The following APLF variants were observed in gnomAD, a reference collection of about 807,000 sequenced individuals.
APLF encodes aprataxin and PNKP like factor.
APLF carries 61 observed loss-of-function variants against 55.6 expected under a neutral mutation model. The ratio of observed to expected loss-of-function variants is 1.10; its 90% CI spans 0.89 to 1.36. APLF has a LOEUF of 1.36. Ranked by LOEUF, APLF falls within the 40% of genes most tolerant of loss-of-function variation. The pLI is 0.00. For synonymous variants in APLF, 207 were observed against 214.8 expected (o/e 0.96, Z 0.32); for missense variants, 611 against 602.5 (o/e 1.01, Z -0.15).
chr2:68,498,632 A>C (rs1676630137), intron 2 of APLF, among the ~76,000 whole-genome samples: 1 of 152,214 alleles, frequency 6.6e-6, no homozygotes, highest in South Asian at 2.1e-4. Flanking sequence ...TTTCATCTAA[A>C]TTTAATCTAC....
chr2:68,477,486 A>G (rs1012083327), intron 1 of APLF, among the ~76,000 whole-genome samples: 3 of 152,106 alleles, frequency 2.0e-5, no homozygotes, highest in African/African-American at 7.2e-5. Flanking sequence ...TAAATTAAAA[A>G]AAAAATTAGC....
intron 7 of APLF, among the ~76,000 whole-genome samples, chr2:68,540,445 A>G (rs985177831): frequency 1.3e-5 from 2 of 152,072 alleles, no homozygotes; most frequent in Non-Finnish European, 2.9e-5. Context: ...AGTCTTTGCT[A>G]TTGTGAATAG....
intron 1 of APLF, among the ~76,000 whole-genome samples, chr2:68,469,020 G>GTGTT (rs59577066): frequency 9.3e-6 from 1 of 107,018 alleles, no homozygotes; most frequent in African/African-American, 3.4e-5. Flanking sequence ...GTGTGTGTGT[G>GTGTT]TTGTGTGTTG....
intron 1 of APLF, among the ~76,000 whole-genome samples, chr2:68,479,258 A>G (rs75024752): frequency 0.018 from 2,755 of 152,314 alleles, 34 homozygotes; most frequent in Non-Finnish European, 0.03. Context: ...GGATTACACC[A>G]TTGAAGACAC....
At chr2:68,537,002 TA>T (rs1670409768) in intron 6 of APLF, among the ~76,000 whole-genome samples, 1 of 151,820 alleles carries the variant, frequency 6.6e-6, no homozygotes, top group Non-Finnish European at 1.5e-5. Flanking sequence ...CCGTCTCTAC[TA>T]AAAATACAAA....
chr2:68,533,332 A>G (rs772730696), intron 6 of APLF, among the ~76,000 whole-genome samples: 4 of 152,168 alleles, frequency 2.6e-5, no homozygotes, highest in Non-Finnish European at 4.4e-5. Context: ...TTCCTTTATA[A>G]TCTATATTAT....
intron 8 of APLF, among the ~76,000 whole-genome samples, chr2:68,565,177 A>G (rs1671268663): frequency 6.6e-6 from 1 of 151,940 alleles, no homozygotes; most frequent in African/African-American, 2.4e-5. Flanking sequence ...ATCTCGGAAA[A>G]TAGATTTCAT....
intron 5 of APLF, among the ~76,000 whole-genome samples, chr2:68,525,190 G>T (rs1670000672): frequency 6.6e-6 from 1 of 152,034 alleles, no homozygotes; most frequent in Non-Finnish European, 1.5e-5. Flanking sequence ...CAGCTACTTG[G>T]GAGGCTGAGG....
chr2:68,516,297 T>G (rs1265092686), intron 5 of APLF, among the ~76,000 whole-genome samples: 1 of 151,746 alleles, frequency 6.6e-6, no homozygotes, highest in African/African-American at 2.4e-5. Context: ...TTGCCTTTTT[T>G]GATCTGCCCT....
At chr2:68,519,039 T>TATA (rs1317770366) in intron 5 of APLF, among the ~76,000 whole-genome samples, 13 of 117,788 alleles carry the variant, frequency 1.1e-4, no homozygotes, top group Non-Finnish European at 1.9e-4. Flanking sequence ...ATGATTAATA[T>TATA]ATAATAATAT....
intron 7 of APLF, among the ~76,000 whole-genome samples, chr2:68,544,942 A>G (rs1670658650): frequency 2.0e-5 from 3 of 152,204 alleles, no homozygotes; most frequent in African/African-American, 7.2e-5. Flanking sequence ...TATTGATATC[A>G]TGGCTCATCA....
At chr2:68,514,226 G>C (rs1026497768) in intron 5 of APLF, among the ~76,000 whole-genome samples, 1 of 151,582 alleles carries the variant, frequency 6.6e-6, no homozygotes, top group Non-Finnish European at 1.5e-5. Flanking sequence ...ATAAGTCTTT[G>C]ATCATATTTA....
At chr2:68,472,495 A>G (rs1041911258) in intron 1 of APLF, among the ~76,000 whole-genome samples, 3 of 152,176 alleles carry the variant, frequency 2.0e-5, no homozygotes, top group African/African-American at 4.8e-5. Flanking sequence ...CCCCTTAGAA[A>G]GGAATTTGGG....
At chr2:68,469,989 TTTTATG>T (rs1675568415) in intron 1 of APLF, among the ~76,000 whole-genome samples, 1 of 152,204 alleles carries the variant, frequency 6.6e-6, no homozygotes, top group African/African-American at 2.4e-5. Context: ...GGTTTTGTAT[TTTTATG>T]GTGGTAGGAA....
At chr2:68,530,059 C>A (rs1434112027) in intron 6 of APLF, among the ~76,000 whole-genome samples, 1 of 152,208 alleles carries the variant, frequency 6.6e-6, no homozygotes, top group East Asian at 1.9e-4. Context: ...TGACTGGATG[C>A]ACCTCTTACC....
chr2:68,476,476 CAAAAAAAAAAAA>C (rs768968249), intron 1 of APLF, among the ~76,000 whole-genome samples: 1 of 76,504 alleles, frequency 1.3e-5, no homozygotes, highest in Non-Finnish European at 2.8e-5. Context: ...GAGTGAGACT[CAAAAAAAAAAAA>C]AAAAAAAAGT....
chr2:68,559,187 G>C (rs891620809), intron 8 of APLF, among the ~76,000 whole-genome samples: 1 of 152,142 alleles, frequency 6.6e-6, no homozygotes, highest in African/African-American at 2.4e-5. Context: ...TGGATTGCTT[G>C]TGCTCTGGGG....
At chr2:68,559,194 G>C (rs1368311897) in intron 8 of APLF, among the ~76,000 whole-genome samples, 9 of 152,068 alleles carry the variant, frequency 5.9e-5, no homozygotes, top group Admixed American at 3.9e-4. Context: ...CTTGTGCTCT[G>C]GGGGGTCTTG....
intron 5 of APLF, among the ~76,000 whole-genome samples, chr2:68,518,343 TATATATTAATATAGCA>T (rs1233176344): frequency 8.9e-6 from 1 of 112,932 alleles, no homozygotes; most frequent in Non-Finnish European, 1.6e-5. Context: ...AATAAATAAT[TATATATTAATATAGCA>T]ATATATTAAT....
Sources: allele counts gnomAD v4.1 joint callset (sites outside exome capture counted in the v4.1 genomes callset), GRCh38; gene constraint gnomAD v4.1.1; transcripts MANE v1.5; gene names NCBI Gene and HGNC (gene_info 2026-07-23, HGNC 2026-07-21).